The following FRMD4A variants were observed in gnomAD, a reference collection of about 807,000 sequenced individuals.
FRMD4A encodes FERM domain containing 4A.
FRMD4A carries 29 observed loss-of-function variants against 129.1 expected under a neutral mutation model. That is an observed-to-expected ratio of 0.22 (90% CI 0.17 to 0.31). FRMD4A has a LOEUF of 0.31. FRMD4A is among the 10% of genes least tolerant of loss of function. The probability of loss-of-function intolerance (pLI) is 1.00; values close to 1 mark genes in which losing one functional copy is unlikely to be tolerated. For synonymous variants in FRMD4A, 634 were observed against 571.6 expected (o/e 1.11, Z -1.56); for missense variants, 1,272 against 1,375.8 (o/e 0.92, Z 1.19).
At chr10:13,734,455 C>A (rs975539187) in intron 12 of FRMD4A, among the ~76,000 whole-genome samples, 8 of 152,144 alleles carry the variant, frequency 5.3e-5, no homozygotes, top group African/African-American at 1.9e-4. Context: ...CAGGCCCCAG[C>A]CCCCTCACCA....
rs562090882 is a variant in FRMD4A at position 14,287,685 on chromosome 10, G to A, written c.45+42373C>T. On this transcript the variant is annotated intron_variant, in intron 2 of 24. Transcript: ENST00000357447. ...CTTTTCACTAGTTAGGAAATAAGGC[G>A]CCTCTCCACTGCCACATCAAAAAGA... Among the ~76,000 whole-genome samples, 10 of 151,914 alleles carry A rather than the reference G, an allele frequency of 6.6e-5. 1 individual carries two copies. Among genetic ancestry groups the A allele is most frequent in the South Asian group, 4.2e-4 (2 of 4,788 alleles).
intron 3 of FRMD4A, among the ~76,000 whole-genome samples, chr10:13,827,843 C>T (rs1331239471): frequency 6.6e-6 from 1 of 152,200 alleles, no homozygotes. Flanking sequence ...AGAAGGGGCC[C>T]CTCTGCTCCT....
chr10:14,329,621 T>C (rs895109337), intron 2 of FRMD4A, among the ~76,000 whole-genome samples: 4 of 152,148 alleles, frequency 2.6e-5, no homozygotes, highest in African/African-American at 9.7e-5. Context: ...TGAGCAGATA[T>C]ATGGGCGCCT....
intron 2 of FRMD4A, among the ~76,000 whole-genome samples, chr10:14,256,110 A>G (rs1216014960): frequency 1.3e-5 from 2 of 152,168 alleles, no homozygotes. Flanking sequence ...GGACAAATGT[A>G]CCAAAAACAT....
At chr10:13,710,373 G>A (rs1048542302) in intron 12 of FRMD4A, 7 of 152,248 alleles carry the variant, frequency 4.6e-5, no homozygotes, top group African/African-American at 1.7e-4. Flanking sequence ...AGTGCTCCCT[G>A]ATGCAGTTCA....
chr10:14,090,090 A>G (rs1052989816), intron 2 of FRMD4A, among the ~76,000 whole-genome samples: 2 of 152,226 alleles, frequency 1.3e-5, no homozygotes, highest in Admixed American at 1.3e-4. Flanking sequence ...GGCTGCTGGG[A>G]GAATATTTAT....
At chr10:14,019,092 G>A (rs1832613559) in intron 2 of FRMD4A, among the ~76,000 whole-genome samples, 1 of 152,154 alleles carries the variant, frequency 6.6e-6, no homozygotes, top group African/African-American at 2.4e-5. Context: ...CACAGGAGAG[G>A]TACCAAGGGA....
At chr10:13,706,951 GAAC>G (rs1415740165) in intron 13 of FRMD4A, 83 bp downstream of exon 13, 8 of 754,550 alleles carry the variant, frequency 1.1e-5, no homozygotes, top group Non-Finnish European at 1.7e-5. Flanking sequence ...AACTGACCAT[GAAC>G]AACGACAGCC....
At chr10:13,686,051 G>A (rs1208919037) in intron 15 of FRMD4A, among the ~76,000 whole-genome samples, 2 of 152,230 alleles carry the variant, frequency 1.3e-5, no homozygotes, top group African/African-American at 4.8e-5. Flanking sequence ...CCCAGAAAGA[G>A]ATTTCGCAGC....
chr10:13,936,761 T>C (rs1277859861), intron 2 of FRMD4A, among the ~76,000 whole-genome samples: 4 of 152,230 alleles, frequency 2.6e-5, no homozygotes, highest in African/African-American at 9.6e-5. Flanking sequence ...GAAGACCCTC[T>C]TCCTTGCAAA....
chr10:13,820,976 G>C (rs1397508747), intron 3 of FRMD4A, among the ~76,000 whole-genome samples: 2 of 152,244 alleles, frequency 1.3e-5, no homozygotes, highest in African/African-American at 4.8e-5. Context: ...CAGAGGGAAA[G>C]AGCAGGGGAA....
intron 2 of FRMD4A, among the ~76,000 whole-genome samples, chr10:14,285,049 C>T (rs1276637770): frequency 6.6e-6 from 1 of 152,204 alleles, no homozygotes; most frequent in East Asian, 1.9e-4. Flanking sequence ...GGAACACTTT[C>T]AACGTGCTGA....
chr10:13,872,995 G>T (rs1428654877), intron 2 of FRMD4A, among the ~76,000 whole-genome samples: 1 of 151,982 alleles, frequency 6.6e-6, no homozygotes, highest in African/African-American at 2.4e-5. Context: ...AGCCAACACG[G>T]TGAAACGTCA....
At chr10:13,721,725 C>A (rs2089429204) in intron 12 of FRMD4A, among the ~76,000 whole-genome samples, 1 of 152,226 alleles carries the variant, frequency 6.6e-6, no homozygotes. Flanking sequence ...GGGTGCTGTT[C>A]TTCTACCTCG....
intron 14 of FRMD4A, among the ~76,000 whole-genome samples, chr10:13,698,663 C>T (rs754524221): frequency 3.9e-5 from 6 of 152,218 alleles, no homozygotes; most frequent in Non-Finnish European, 5.9e-5. Context: ...ATTTCACAAA[C>T]GTGGTGCCAT....
At position 14,295,345 on chromosome 10, in the gene FRMD4A, T is replaced by A. The variant is rs72780815; in HGVS notation, c.45+34713A>T. Among the ~76,000 whole-genome samples the A allele has an allele frequency of 6.1e-3, 928 of 152,286 alleles. 23 individuals carry two copies. The East Asian group carries it at 0.065, about 11-fold the overall frequency. On this transcript the variant is annotated intron_variant, in intron 2 of 24. Coordinates refer to ENST00000357447, the MANE Select transcript of FRMD4A (RefSeq NM_018027.5). ...CCAATTCACTTTTATTTGATTTTTTTAAAAAGTGAAGTGATTCACAAACTT... is the reference window on the plus strand; with the variant it reads ...CCAATTCACTTTTATTTGATTTTTTAAAAAAGTGAAGTGATTCACAAACTT...
chr10:13,858,851 A>T lies in FRMD4A; in HGVS notation c.107T>A (p.Val36Glu). The change falls in exon 3 of 25, where the codon GTA (valine) becomes GAA (glutamate). Residue 36 changes from valine (V) to glutamate (E), a missense_variant. Coordinates refer to ENST00000357447, the MANE Select transcript of FRMD4A (RefSeq NM_018027.5). ...LLDDRKLELL[V>E]QPKLLAKELL... ...AGTTGACCAAAAGCGATTTACCTGT[A>T]CTAGGAGTTCCAGCTTCCTGTCATC... 1 of 1,588,122 alleles carries T rather than the reference A, an allele frequency of 6.3e-7. No individual in the cohort carries two copies. Among genetic ancestry groups the T allele is most frequent in the Non-Finnish European group, 8.6e-7 (1 of 1,156,244 alleles).
chr10:13,797,986 C>G (rs2093159897), intron 4 of FRMD4A, among the ~76,000 whole-genome samples: 1 of 152,020 alleles, frequency 6.6e-6, no homozygotes, highest in Admixed American at 6.6e-5. Flanking sequence ...TTTGGATCTG[C>G]CTTAGAATAG....
At chr10:13,965,710 A>C (rs2095481345) in intron 2 of FRMD4A, among the ~76,000 whole-genome samples, 1 of 152,230 alleles carries the variant, frequency 6.6e-6, no homozygotes, top group South Asian at 2.1e-4. Context: ...ACAAGTTATG[A>C]ATTGGAAATA....
Sources: allele counts gnomAD v4.1 joint callset (sites outside exome capture counted in the v4.1 genomes callset), GRCh38; gene constraint gnomAD v4.1.1; transcripts MANE v1.5; gene names NCBI Gene and HGNC (gene_info 2026-07-23, HGNC 2026-07-21).